The following TNR variants were observed in gnomAD, a reference collection of about 807,000 sequenced individuals.
TNR encodes tenascin R.
A neutral mutation model predicts 150.4 loss-of-function variants in TNR; 45 were observed. The observed-to-expected ratio is 0.30, with a 90% CI of 0.24 to 0.38. TNR has a LOEUF of 0.38. Among genes scored for constraint, TNR ranks in the 10% least tolerant of loss-of-function variants. The pLI, the probability that TNR is intolerant of heterozygous loss-of-function variation, is 1.00. For synonymous variants in TNR, 687 were observed against 678.4 expected, an observed-to-expected ratio of 1.01 and a Z score of -0.20; for missense variants, 1,544 against 1,759.1, an observed-to-expected ratio of 0.88 and a Z score of 2.19.
chr1:175,676,913 C>A (rs1665882415), intron 1 of TNR, among the ~76,000 whole-genome samples: 1 of 152,224 alleles, frequency 6.6e-6, no homozygotes, highest in Admixed American at 6.5e-5. Flanking sequence ...CCTCACTTAA[C>A]CCTCCTGCGA....
intron 2 of TNR, among the ~76,000 whole-genome samples, chr1:175,468,024 G>A (rs1030872098): frequency 6.6e-6 from 1 of 152,218 alleles, no homozygotes; most frequent in African/African-American, 2.4e-5. Flanking sequence ...AGCAGAGAAA[G>A]CTTATGCTCA....
At chr1:175,379,473 A>C in intron 9 of TNR, 79 bp downstream of exon 9, 2 of 1,354,088 alleles carry the variant, frequency 1.5e-6, no homozygotes, top group Non-Finnish European at 2.0e-6. Flanking sequence ...TGGGTTTGTA[A>C]GATGTGTAGG....
intron 1 of TNR, among the ~76,000 whole-genome samples, chr1:175,629,432 T>C (rs1243443495): frequency 6.6e-6 from 1 of 152,166 alleles, no homozygotes; most frequent in South Asian, 2.1e-4. Flanking sequence ...AGGGCAGGCC[T>C]GCAGAGACTG....
intron 1 of TNR, among the ~76,000 whole-genome samples, chr1:175,694,750 G>A (rs572500620): frequency 2.6e-5 from 4 of 152,274 alleles, no homozygotes; most frequent in African/African-American, 9.6e-5. Context: ...TTTATAAGAA[G>A]ATATTAGGGC....
chr1:175,491,226 C>T (rs1380348006), intron 2 of TNR, among the ~76,000 whole-genome samples: 1 of 151,880 alleles, frequency 6.6e-6, no homozygotes, highest in Admixed American at 6.6e-5. Context: ...CAGAGGGGAG[C>T]TTGGGGGAGG....
intron 7 of TNR, among the ~76,000 whole-genome samples, chr1:175,387,050 T>C (rs1283080187): frequency 8.5e-5 from 13 of 152,238 alleles, no homozygotes; most frequent in Admixed American, 7.2e-4. Flanking sequence ...CCCTGGCCCC[T>C]GGCACTGTGC....
intron 1 of TNR, among the ~76,000 whole-genome samples, chr1:175,554,854 T>C (rs1030464818): frequency 3.9e-5 from 6 of 152,252 alleles, no homozygotes; most frequent in African/African-American, 1.4e-4. Flanking sequence ...TTAGAGCTCA[T>C]TGAGCCTTTG....
At chr1:175,355,474 G>T in intron 17 of TNR, 29 bp downstream of exon 17, 2 of 1,611,106 alleles carry the variant, frequency 1.2e-6, no homozygotes, top group East Asian at 2.2e-5. Context: ...TGGAAGAAAT[G>T]GTCTTTTCCC....
At chr1:175,388,573 C>T (rs943058012) in intron 7 of TNR, among the ~76,000 whole-genome samples, 2 of 152,170 alleles carry the variant, frequency 1.3e-5, no homozygotes, top group African/African-American at 2.4e-5. Context: ...GGGAGCCAAC[C>T]GTCTATTTTG....
chr1:175,638,940 C>T (rs569738136), intron 1 of TNR, among the ~76,000 whole-genome samples: 39 of 152,210 alleles, frequency 2.6e-4, no homozygotes, highest in African/African-American at 9.4e-4. Flanking sequence ...TTGCCCAAAC[C>T]AAAATCTTAG....
At chr1:175,474,905 T>A (rs74127306) in intron 2 of TNR, among the ~76,000 whole-genome samples, 10 of 152,226 alleles carry the variant, frequency 6.6e-5, no homozygotes, top group Non-Finnish European at 1.0e-4. Flanking sequence ...ACCAGCTAGG[T>A]GACCTCTCTG....
intron 2 of TNR, among the ~76,000 whole-genome samples, chr1:175,416,728 G>A (rs746491324): frequency 3.3e-5 from 5 of 152,148 alleles, no homozygotes; most frequent in Non-Finnish European, 4.4e-5. Context: ...TAAGAAGTGG[G>A]CCGGGTGCGG....
intron 2 of TNR, among the ~76,000 whole-genome samples, chr1:175,456,480 G>A (rs1332629711): frequency 6.6e-6 from 1 of 152,162 alleles, no homozygotes; most frequent in East Asian, 1.9e-4. Context: ...CTGCATCCCT[G>A]AATGTCTACA....
chr1:175,462,920 T>C (rs1656880176), intron 2 of TNR, among the ~76,000 whole-genome samples: 1 of 152,046 alleles, frequency 6.6e-6, no homozygotes, highest in South Asian at 2.1e-4. Flanking sequence ...TTTTGGTTAA[T>C]AATCTGCCTT....
chr1:175,653,953 T>A (rs1421773449), intron 1 of TNR, among the ~76,000 whole-genome samples: 1 of 152,250 alleles, frequency 6.6e-6, no homozygotes, highest in African/African-American at 2.4e-5. Flanking sequence ...GTACCATTTA[T>A]AATAAAAGTA....
At chr1:175,416,697 T>C (rs1157868738) in intron 2 of TNR, among the ~76,000 whole-genome samples, 2 of 152,068 alleles carry the variant, frequency 1.3e-5, no homozygotes, top group Non-Finnish European at 2.9e-5. Context: ...TTAGAACAGA[T>C]TGAGAAATTG....
chr1:175,624,530 G>A (rs1282749623), intron 1 of TNR, among the ~76,000 whole-genome samples: 1 of 152,108 alleles, frequency 6.6e-6, no homozygotes, highest in Admixed American at 6.5e-5. Context: ...GGGAAGCAGA[G>A]GTTTCAAAAG....
chr1:175,725,128 A>G (rs963573645), intron 1 of TNR, among the ~76,000 whole-genome samples: 2 of 152,216 alleles, frequency 1.3e-5, no homozygotes, highest in African/African-American at 4.8e-5. Flanking sequence ...GAGACCATCA[A>G]TGGAAGTGTA....
chr1:175,719,650 A>G (rs1162396942), intron 1 of TNR, among the ~76,000 whole-genome samples: 1 of 152,186 alleles, frequency 6.6e-6, no homozygotes, highest in African/African-American at 2.4e-5. Context: ...GCCCAAGTAG[A>G]ATGGTCACAG....
Sources: gnomAD v4.1 joint callset for allele counts (sites outside exome capture counted in the v4.1 genomes callset) on GRCh38, gnomAD v4.1.1 for gene constraint, MANE v1.5 for transcripts, NCBI Gene and HGNC (gene_info 2026-07-23, HGNC 2026-07-21) for gene names.